The following ZNF343 variants were observed in gnomAD, a reference collection of about 807,000 sequenced individuals.
The protein encoded by ZNF343 is zinc finger protein 343.
A neutral mutation model predicts 13.8 loss-of-function variants in ZNF343; 11 were observed. The observed-to-expected ratio is 0.80, with a 90% CI of 0.50 to 1.32. The LOEUF (loss-of-function observed/expected upper bound fraction) is 1.32, where lower values mean the gene tolerates loss of function less well. ZNF343 is among the 40% of genes most tolerant of loss of function. The pLI is 0.00. For synonymous variants in ZNF343, 248 were observed against 260.0 expected (o/e 0.95, Z 0.44); for missense variants, 658 against 714.2 (o/e 0.92, Z 0.90).
At chr20:2,487,683 C>T (rs1309619148) in intron 5 of ZNF343, among the ~76,000 whole-genome samples, 8 of 152,186 alleles carry the variant, frequency 5.3e-5, no homozygotes, top group Admixed American at 5.2e-4. Flanking sequence ...GGGTAAATTC[C>T]TATAGGTAGG....
chr20:2,516,347 T>A (rs1471364099), intron 1 of ZNF343, among the ~76,000 whole-genome samples: 5 of 151,804 alleles, frequency 3.3e-5, no homozygotes, highest in African/African-American at 1.2e-4. Flanking sequence ...GGATTGTGAT[T>A]TAGGGTAAAG....
At chr20:2,512,159 A>G (rs2085741797), upstream of ZNF343, among the ~76,000 whole-genome samples, 1 of 152,240 alleles carries the variant, frequency 6.6e-6, no homozygotes, top group African/African-American at 2.4e-5. Flanking sequence ...CATTGCTGAA[A>G]GAAATTGTGT....
rs1227891094 is a variant in ZNF343, at chr20:2,484,547, T to C, written c.414A>G (p.Glu138=). 1 of 1,614,122 alleles carries C rather than the reference T, an allele frequency of 6.2e-7. No homozygotes were observed. The highest frequency in any genetic ancestry group is 8.5e-7 in the Non-Finnish European group (1 of 1,180,048). Residue 138 remains glutamate (E), a synonymous_variant, in exon 6 of 6, where the codon GAA becomes GAG. Transcript: ENST00000278772. ...VLQIFLGLCA[E]NHFHPGNSSP... ...TAGAATTCCCTGGATGGAAGTGATT[T>C]TCTGCACATAAGCCCAGGAAGATCT...
chr20:2,486,475 C>A (rs1303688885), intron 5 of ZNF343, among the ~76,000 whole-genome samples: 10 of 152,180 alleles, frequency 6.6e-5, no homozygotes, highest in Non-Finnish European at 1.5e-4. Flanking sequence ...TTTGCTTAAT[C>A]TTAAAATGCA....
intron 1 of ZNF343, among the ~76,000 whole-genome samples, chr20:2,517,428 T>C (rs1267143819): frequency 6.6e-6 from 1 of 151,802 alleles, no homozygotes; most frequent in African/African-American, 2.4e-5. Flanking sequence ...CATATACATA[T>C]ACCAGGAGAG....
intron 5 of ZNF343, among the ~76,000 whole-genome samples, chr20:2,485,402 A>G (rs2085266589): frequency 6.6e-6 from 1 of 152,364 alleles, no homozygotes; most frequent in South Asian, 2.1e-4. Context: ...ATTTCATCAC[A>G]ACATGATCTA....
At chr20:2,512,895 A>G (rs1378402216), upstream of ZNF343, among the ~76,000 whole-genome samples, 2 of 147,804 alleles carry the variant, frequency 1.4e-5, no homozygotes, top group Non-Finnish European at 3.0e-5. Flanking sequence ...AGACCAGACT[A>G]GGCAACATAG....
At chr20:2,512,289 A>G (rs1044079247), upstream of ZNF343, among the ~76,000 whole-genome samples, 11 of 152,344 alleles carry the variant, frequency 7.2e-5, no homozygotes, top group Admixed American at 2.0e-4. Context: ...CAAAATTCCA[A>G]TGGCCTTTTT....
chr20:2,483,394 A>C lies in ZNF343; in HGVS notation c.1567T>G (p.Cys523Gly), dbSNP rs775827557. 1.2e-6 allele frequency: 2 copies of C among 1,609,696 alleles called. No individual in the cohort carries two copies. The highest frequency in any genetic ancestry group is 8.5e-7 in the Non-Finnish European group (1 of 1,179,252). The change falls in exon 6 of 6, where the codon TGC becomes GGC. Residue 523 changes from cysteine to glycine, a missense_variant. By Grantham distance (159) the Cys-to-Gly change is radical (BLOSUM62 -3). Coordinates refer to ENST00000278772, the MANE Select transcript of ZNF343 (RefSeq NM_024325.6). ...CAAAAGCCTCGCCCACATTCCCTGC[A>C]AATATAAGGCTTCTCATTTGAGTGC... ...RTHSNEKPYICRECGRGFCDK... is the reference protein window; with the variant it reads ...RTHSNEKPYIGRECGRGFCDK...
At chr20:2,510,168 C>G (rs2085730001), upstream of ZNF343, among the ~76,000 whole-genome samples, 1 of 151,134 alleles carries the variant, frequency 6.6e-6, no homozygotes, top group Non-Finnish European at 1.5e-5. Flanking sequence ...CTCCAATTAC[C>G]AGGTGAATTT....
At chr20:2,491,376 A>G (rs1047105129) in intron 5 of ZNF343, among the ~76,000 whole-genome samples, 1 of 152,162 alleles carries the variant, frequency 6.6e-6, no homozygotes, top group African/African-American at 2.4e-5. Context: ...CTTAAAGTTG[A>G]TTTCACCTGT....
chr20:2,485,207 G>T (rs1258272485), intron 5 of ZNF343, among the ~76,000 whole-genome samples: 1 of 152,160 alleles, frequency 6.6e-6, no homozygotes, highest in South Asian at 2.1e-4. Flanking sequence ...CAAAGTACTA[G>T]GTTCTCTACT....
At chr20:2,494,787 T>C (rs1302342153) in intron 2 of ZNF343, among the ~76,000 whole-genome samples, 2 of 134,040 alleles carry the variant, frequency 1.5e-5, no homozygotes, top group Non-Finnish European at 3.3e-5. Context: ...AAAAAAAAAA[T>C]CCCTATGTCC....
At chr20:2,504,477 GC>G (rs1369676509) in intron 1 of ZNF343, among the ~76,000 whole-genome samples, 1 of 152,100 alleles carries the variant, frequency 6.6e-6, no homozygotes, top group Non-Finnish European at 1.5e-5. Context: ...TGATACCAAA[GC>G]CTGGCAGAGA....
Position 2,482,744 on chromosome 20 carries a change from A to G in ZNF343, c.*417T>C, listed in dbSNP as rs1396996881. ...AAAGCTTTGCCCATACATCCTACAA[A>G]CAAAGACCTCCTTCCTGAGGGCCAC... On this transcript the variant is annotated 3_prime_UTR_variant, in exon 6 of 6. Transcript: ENST00000278772. 1 of 185,182 alleles carries G rather than the reference A, an allele frequency of 5.4e-6. No homozygotes were observed. The highest frequency in any genetic ancestry group is 1.3e-4 in the East Asian group (1 of 7,432). 11.5% of individuals were successfully genotyped at this position (185,182 alleles called of 1,614,324 possible). A position where few individuals can be genotyped will look rare whatever the true frequency, so the allele number is the denominator to read the frequency against.
At chr20:2,493,720 G>T (rs1417921183) in intron 3 of ZNF343, 58 bp downstream of exon 3, 14 of 1,494,926 alleles carry the variant, frequency 9.4e-6, no homozygotes, top group African/African-American at 2.8e-5. Flanking sequence ...AGCATTTTCA[G>T]GTGAACCTGG....
chr20:2,494,044 C>G lies in ZNF343; in HGVS notation c.-149G>C. On this transcript the variant is annotated splice_region_variant and 5_prime_UTR_variant, in exon 3 of 6. Coordinates refer to ENST00000278772, the MANE Select transcript of ZNF343 (RefSeq NM_024325.6). ...CCAGCTTGTTTCCCTGCAGCCAGGA[C>G]CTGTGGGATGAAGAAGCAATTTGCT... The G allele has an allele frequency of 1.5e-6, 1 of 651,198 alleles. No individual in the cohort carries two copies. The allele number at this position is 651,198 out of a possible 1,614,324, so 40.3% of individuals were successfully genotyped here.
chr20:2,517,664 G>A (rs1392042970), intron 1 of ZNF343, among the ~76,000 whole-genome samples: 2 of 148,248 alleles, frequency 1.3e-5, no homozygotes, highest in Non-Finnish European at 3.0e-5. Context: ...ACCATGCCTG[G>A]CTAGTTATTA....
At chr20:2,510,353 C>T (rs1056334701), upstream of ZNF343, among the ~76,000 whole-genome samples, 1 of 152,200 alleles carries the variant, frequency 6.6e-6, no homozygotes, top group East Asian at 1.9e-4. Context: ...ATGTGCTTCC[C>T]AGTCCAGTTC....
Sources: allele counts gnomAD v4.1 joint callset (sites outside exome capture counted in the v4.1 genomes callset), GRCh38; gene constraint gnomAD v4.1.1; transcripts MANE v1.5; gene names NCBI Gene and HGNC (gene_info 2026-07-23, HGNC 2026-07-21).